MMP26: variants seen among roughly 807,000 people sequenced by gnomAD.
MMP26 encodes matrix metallopeptidase 26.
Under a neutral mutation model 31.0 loss-of-function variants are expected in MMP26, and 33 were observed. The observed-to-expected ratio is 1.06, with a 90% CI of 0.81 to 1.42. MMP26 has a LOEUF of 1.42. MMP26 is among the 40% of genes most tolerant of loss of function. MMP26 has a pLI of 0.00. For missense variants in MMP26, 347 were observed against 316.1 expected (o/e 1.10, Z -0.74); for synonymous variants, 122 against 114.9 (o/e 1.06, Z -0.40).
intron 1 of MMP26, among the ~76,000 whole-genome samples, chr11:4,726,956 C>T (rs183512804): frequency 5.3e-4 from 81 of 152,224 alleles, no homozygotes; most frequent in Admixed American, 1.1e-3. Context: ...TTTGAGGTTG[C>T]CGTGAACTAT....
At chr11:4,711,318 TCA>T (rs1847859448) in intron 1 of MMP26, 3 of 152,214 alleles carry the variant, frequency 2.0e-5, no homozygotes, top group African/African-American at 7.2e-5. Flanking sequence ...TGTATATATT[TCA>T]TGTGAATATG....
chr11:4,898,707 G>A lies in MMP26; in HGVS notation c.-144-89361G>A, dbSNP rs139483873. On this transcript the variant is annotated intron_variant, in intron 2 of 7. Coordinates refer to ENST00000380390, the MANE Select transcript of MMP26 (RefSeq NM_021801.5). Reference sequence around the variant, plus strand: ...CATAGGTATGTTTTTTAATATATAGGGGACATTTACTTACCTCCTCCATAT... The same window carrying A: ...CATAGGTATGTTTTTTAATATATAGAGGACATTTACTTACCTCCTCCATAT... Among the ~76,000 whole-genome samples, 554 of 151,808 alleles carry A rather than the reference G, an allele frequency of 3.6e-3. 2 individuals carry two copies. The highest frequency in any genetic ancestry group is 0.01 in the Middle Eastern group (3 of 294).
rs73393072 is a variant in MMP26, at chr11:4,761,278, G to A, written c.-216-5992G>A. 4.4e-3 allele frequency among the ~76,000 whole-genome samples: 666 copies of A among 152,268 alleles called. 4 individuals are homozygous for A. Among genetic ancestry groups the A allele is most frequent in the African/African-American group, 0.014 (594 of 41,546 alleles). ...TGATGTAGTTTAAAAGTCATCAAGG[G>A]CATTTATTAAAGACACAATTAAGTC... On this transcript the variant is annotated intron_variant, in intron 1 of 7. Transcript: ENST00000380390.
chr11:4,718,738 G>C (rs1165728474), intron 1 of MMP26: 1 of 156,868 alleles, frequency 6.4e-6, no homozygotes, highest in Non-Finnish European at 1.4e-5. Flanking sequence ...TGCCCTCTCA[G>C]GAAACAGCCT....
chr11:4,964,209 G>A (rs1846559436), intron 2 of MMP26, among the ~76,000 whole-genome samples: 1 of 152,030 alleles, frequency 6.6e-6, no homozygotes, highest in South Asian at 2.1e-4. Context: ...TAATGGTATT[G>A]CCTAGGTTTT....
chr11:4,827,399 C>A (rs773641605), intron 2 of MMP26, among the ~76,000 whole-genome samples: 1 of 151,986 alleles, frequency 6.6e-6, no homozygotes, highest in Non-Finnish European at 1.5e-5. Context: ...CAACTTGTTT[C>A]CTTTTTTTAA....
Position 4,976,733 on chromosome 11 carries a change from A to T in MMP26, c.-144-11335A>T, listed in dbSNP as rs1395392544. ...TTACACAGATGAGACCTTAAATAAG[A>T]GTGGACTCAAACAGAATCAGCTGAA... is the stretch of plus-strand genomic sequence containing the variant. On this transcript the variant is annotated intron_variant, in intron 2 of 7. Coordinates refer to ENST00000380390, the MANE Select transcript of MMP26 (RefSeq NM_021801.5). 2.0e-5 allele frequency among the ~76,000 whole-genome samples: 3 copies of T among 152,048 alleles called. No individual in the cohort carries two copies. The East Asian group carries it at 5.8e-4, about 29-fold the overall frequency.
intron 2 of MMP26, among the ~76,000 whole-genome samples, chr11:4,958,941 A>G (rs1039942950): frequency 2.6e-5 from 4 of 152,188 alleles, no homozygotes; most frequent in African/African-American, 7.2e-5. Context: ...GATCCAATTA[A>G]CAAATGCAGA....
chr11:4,862,043 C>T (rs1290695857), intron 2 of MMP26, among the ~76,000 whole-genome samples: 2 of 152,174 alleles, frequency 1.3e-5, no homozygotes, highest in Non-Finnish European at 2.9e-5. Context: ...TGAGATACTT[C>T]CTGATGTAGA....
intron 2 of MMP26, among the ~76,000 whole-genome samples, chr11:4,935,191 A>G (rs1851416828): frequency 6.6e-6 from 1 of 151,740 alleles, no homozygotes; most frequent in African/African-American, 2.4e-5. Context: ...CACGATATTG[A>G]TTCTTCCTAC....
chr11:4,762,963 G>C (rs1185183261), intron 1 of MMP26, among the ~76,000 whole-genome samples: 1 of 152,190 alleles, frequency 6.6e-6, no homozygotes, highest in Admixed American at 6.5e-5. Flanking sequence ...AAGTACACAG[G>C]ATTGGGATTT....
At chr11:4,829,972 T>G (rs1300225068) in intron 2 of MMP26, among the ~76,000 whole-genome samples, 1 of 152,226 alleles carries the variant, frequency 6.6e-6, no homozygotes, top group African/African-American at 2.4e-5. Context: ...AAGCCGTCAC[T>G]GTGATTCAGA....
intron 2 of MMP26, among the ~76,000 whole-genome samples, chr11:4,895,006 C>CCCTA (rs953865300): frequency 3.3e-4 from 50 of 151,932 alleles, no homozygotes; most frequent in African/African-American, 1.2e-3. Context: ...GTTGGCAAAG[C>CCCTA]CCTAATCAGT....
rs556317363 is a variant in MMP26 at position 4,792,622 on chromosome 11, T to C, written c.-145+25281T>C. Among the ~76,000 whole-genome samples, 6 of 152,246 alleles carry C rather than the reference T, an allele frequency of 3.9e-5. No homozygotes were observed. The South Asian group carries it at 6.2e-4, about 16-fold the overall frequency. ...CTCAGTAGAATGCACTACTTATCAATAGTACTTGGGTCATTAGAAAACACG... is the reference window on the plus strand; with the variant it reads ...CTCAGTAGAATGCACTACTTATCAACAGTACTTGGGTCATTAGAAAACACG... On this transcript the variant is annotated intron_variant, in intron 2 of 7. Coordinates refer to ENST00000380390, the MANE Select transcript of MMP26 (RefSeq NM_021801.5).
At chr11:4,848,452 AGAGGTGGGC>A in intron 2 of MMP26, 1 of 1,613,800 alleles carries the variant, frequency 6.2e-7, no homozygotes, top group South Asian at 1.1e-5. Flanking sequence ...AGCACTGCAG[AGAGGTGGGC>A]AGCACAGGTT....
intron 1 of MMP26, among the ~76,000 whole-genome samples, chr11:4,732,258 C>T (rs981215615): frequency 6.6e-5 from 10 of 151,966 alleles, no homozygotes; most frequent in Non-Finnish European, 1.5e-4. Context: ...TTATGAATTC[C>T]CTATCTTTAT....
At chr11:4,943,680 T>C in intron 2 of MMP26, 1 of 355,314 alleles carries the variant, frequency 2.8e-6, no homozygotes, top group Non-Finnish European at 5.6e-6. Context: ...GGAGGTAACA[T>C]TGCTGCCAGT....
chr11:4,884,277 C>T (rs1850518761), intron 2 of MMP26, among the ~76,000 whole-genome samples: 2 of 152,012 alleles, frequency 1.3e-5, no homozygotes. Context: ...AAGTAAAATT[C>T]GGTTTTTCAA....
At chr11:4,926,960 A>G (rs1009541535) in intron 2 of MMP26, among the ~76,000 whole-genome samples, 4 of 152,168 alleles carry the variant, frequency 2.6e-5, no homozygotes, top group East Asian at 1.9e-4. Context: ...TAGTGCAGCT[A>G]TTGTCCATTT....
Sources: allele counts gnomAD v4.1 joint callset (sites outside exome capture counted in the v4.1 genomes callset), GRCh38; gene constraint gnomAD v4.1.1; transcripts MANE v1.5; gene names NCBI Gene and HGNC (gene_info 2026-07-23, HGNC 2026-07-21).